ABCC9: variants seen among roughly 807,000 people sequenced by gnomAD.
ABCC9 encodes ATP binding cassette subfamily C member 9.
ABCC9 carries 95 observed loss-of-function variants against 188.3 expected under a neutral mutation model. That is an observed-to-expected ratio of 0.50 (90% CI 0.43 to 0.60). The LOEUF (loss-of-function observed/expected upper bound fraction) is 0.60, where lower values mean the gene tolerates loss of function less well. ABCC9 is among the 20% of genes least tolerant of loss of function. The pLI is 0.00. For missense variants in ABCC9, 1,102 were observed against 1,876.3 expected, an observed-to-expected ratio of 0.59 and a Z score of 7.62; for synonymous variants, 659 against 652.7, an observed-to-expected ratio of 1.01 and a Z score of -0.15.
intron 30 of ABCC9, among the ~76,000 whole-genome samples, chr12:21,832,447 T>C (rs1943825647): frequency 6.6e-6 from 1 of 152,164 alleles, no homozygotes; most frequent in African/African-American, 2.4e-5. Context: ...TAGAATTTTA[T>C]CCATGGCAGC....
In ABCC9 at chr12:21,860,956, C is replaced by T. The variant is rs1945473633; in HGVS notation, c.2424+15G>A. The T allele has an allele frequency of 1.6e-5, 25 of 1,591,912 alleles. No homozygotes were observed. The highest frequency in any genetic ancestry group is 2.0e-5 in the Non-Finnish European group (23 of 1,160,594). ...GATTTTTGTTCATTGCTTAATGAAA[C>T]TATATATAGCTCACCCTCTCTCCAA... On this transcript the variant is annotated intron_variant, in intron 21 of 39. Transcript: ENST00000261200.
intron 14 of ABCC9, among the ~76,000 whole-genome samples, chr12:21,891,351 G>A (rs983762090): frequency 2.0e-5 from 3 of 151,988 alleles, no homozygotes; most frequent in African/African-American, 4.8e-5. Flanking sequence ...ACTCTTCTTC[G>A]AGCATTTTAT....
intron 4 of ABCC9, among the ~76,000 whole-genome samples, chr12:21,929,427 G>A (rs1403349352): frequency 2.0e-5 from 3 of 151,772 alleles, no homozygotes; most frequent in East Asian, 3.9e-4. Flanking sequence ...CAGAACAAAG[G>A]ATGTTCCAAA....
intron 18 of ABCC9, among the ~76,000 whole-genome samples, chr12:21,867,958 T>G (rs777261837): frequency 1.3e-5 from 2 of 152,156 alleles, no homozygotes; most frequent in South Asian, 2.1e-4. Context: ...GCTCCTAAGA[T>G]ATCAGTAGAA....
At chr12:21,874,578 A>G (rs1359201181) in intron 17 of ABCC9, among the ~76,000 whole-genome samples, 2 of 152,226 alleles carry the variant, frequency 1.3e-5, no homozygotes, top group Admixed American at 1.3e-4. Flanking sequence ...TTGTAGCATC[A>G]TTCACAATAG....
intron 30 of ABCC9, among the ~76,000 whole-genome samples, chr12:21,829,870 A>C (rs1473457383): frequency 6.6e-6 from 1 of 152,232 alleles, no homozygotes; most frequent in African/African-American, 2.4e-5. Context: ...GCAATTGGCA[A>C]AAATATACTT....
chr12:21,938,316 A>G (rs1949573187), intron 2 of ABCC9, among the ~76,000 whole-genome samples: 1 of 152,102 alleles, frequency 6.6e-6, no homozygotes. Flanking sequence ...TCTTTTTTTA[A>G]AAAGTTGTAT....
intron 2 of ABCC9, among the ~76,000 whole-genome samples, chr12:21,936,898 T>C (rs553927989): frequency 6.6e-5 from 10 of 152,328 alleles, no homozygotes; most frequent in Admixed American, 3.3e-4. Context: ...CCATAGCTTT[T>C]ACTTCCAGAG....
Position 21,887,879 on chromosome 12 carries a change from G to A in ABCC9, c.1858C>T (p.Arg620Ter), listed in dbSNP as rs1024095026. The A allele has an allele frequency of 5.6e-6, 9 of 1,613,366 alleles. No individual in the cohort carries two copies. Among genetic ancestry groups the A allele is most frequent in the Admixed American group, 3.3e-5 (2 of 59,916 alleles). ...AAAGGAAGCGAACTTTCACCAGTTC[G>A]CCAACTGTCGTCACCAATCTCATCA... ...LSDEIGDDSW[R>*]TGESSLPFES... The change falls in exon 15 of 40, where the codon CGA becomes TGA. Residue 620 changes from arginine (R) to a stop codon, truncating the protein, a stop_gained. Coordinates refer to ENST00000261200, the MANE Select transcript of ABCC9 (RefSeq NM_020297.4). LOFTEE classifies it high-confidence loss of function.
chr12:21,872,862 T>A (rs938625334), intron 17 of ABCC9, 132 bp from the exon 18 acceptor site: 6 of 706,190 alleles, frequency 8.5e-6, no homozygotes, highest in Admixed American at 2.1e-5. Context: ...TAAGGTATTC[T>A]AAACAGCTCC....
At chr12:21,927,777 A>G (rs1949099555) in intron 4 of ABCC9, among the ~76,000 whole-genome samples, 1 of 152,216 alleles carries the variant, frequency 6.6e-6, no homozygotes, top group South Asian at 2.1e-4. Context: ...TAGACATGGT[A>G]ATAAAAATGT....
chr12:21,931,694 T>C (rs1045812307), intron 4 of ABCC9, among the ~76,000 whole-genome samples: 4 of 152,196 alleles, frequency 2.6e-5, no homozygotes, highest in African/African-American at 7.2e-5. Context: ...TTGGATGATC[T>C]ATCTTCTACT....
chr12:21,940,976 G>C (rs1378016579), intron 1 of ABCC9, among the ~76,000 whole-genome samples, 151 bp from the exon 2 acceptor site: 1 of 152,190 alleles, frequency 6.6e-6, no homozygotes, highest in Admixed American at 6.5e-5. Context: ...GGAGACGGCA[G>C]TTTTGAAGTA....
At chr12:21,836,669 C>A (rs1944117446) in intron 30 of ABCC9, among the ~76,000 whole-genome samples, 1 of 151,912 alleles carries the variant, frequency 6.6e-6, no homozygotes, top group Admixed American at 6.6e-5. Context: ...GCTGTGAGCT[C>A]CTTAACACAG....
At chr12:21,896,293 G>A (rs1431740665) in intron 12 of ABCC9, among the ~76,000 whole-genome samples, 1 of 152,010 alleles carries the variant, frequency 6.6e-6, no homozygotes, top group Non-Finnish European at 1.5e-5. Flanking sequence ...GAATCAGACT[G>A]TGCTTTTGCA....
intron 9 of ABCC9, 81 bp from the exon 10 acceptor site, chr12:21,910,393 C>G: frequency 7.2e-7 from 1 of 1,379,560 alleles, no homozygotes; most frequent in Non-Finnish European, 9.9e-7. Context: ...AAATAAATAA[C>G]AAACATTTAA....
At chr12:21,877,418 CA>C (rs1946417521) in intron 16 of ABCC9, among the ~76,000 whole-genome samples, 1 of 151,910 alleles carries the variant, frequency 6.6e-6, no homozygotes, top group African/African-American at 2.4e-5. Context: ...GGCTGAAGAT[CA>C]AAAAAACCGT....
chr12:21,847,886 A>G (rs1944764865), intron 25 of ABCC9, among the ~76,000 whole-genome samples: 1 of 152,198 alleles, frequency 6.6e-6, no homozygotes, highest in Non-Finnish European at 1.5e-5. Flanking sequence ...AGATCTATTT[A>G]GAATCCACTG....
At chr12:21,869,422 C>A (rs1945950296) in intron 18 of ABCC9, among the ~76,000 whole-genome samples, 1 of 152,202 alleles carries the variant, frequency 6.6e-6, no homozygotes, top group Non-Finnish European at 1.5e-5. Context: ...GTAATTCATT[C>A]TTCACACCAC....
Sources: gnomAD v4.1 joint callset for allele counts (sites outside exome capture counted in the v4.1 genomes callset) on GRCh38, gnomAD v4.1.1 for gene constraint, MANE v1.5 for transcripts, NCBI Gene and HGNC (gene_info 2026-07-23, HGNC 2026-07-21) for gene names.